The following GNPAT variants were observed in gnomAD, a reference collection of about 807,000 sequenced individuals.
GNPAT encodes dihydroxyacetone phosphate acyltransferase.
A neutral mutation model predicts 78.4 loss-of-function variants in GNPAT; 30 were observed. The observed-to-expected ratio is 0.38, with a 90% confidence interval of 0.29 to 0.52. The LOEUF (loss-of-function observed/expected upper bound fraction) is 0.52. GNPAT is among the 20% of genes least tolerant of loss of function. The pLI is 0.84. For synonymous variants in GNPAT, 271 were observed against 281.1 expected (o/e 0.96, Z 0.36); for missense variants, 714 against 812.2 (o/e 0.88, Z 1.47).
At chr1:231,274,924 T>C in intron 12 of GNPAT, 1 of 331,040 alleles carries the variant, frequency 3.0e-6, no homozygotes, top group South Asian at 3.0e-5. Flanking sequence ...TCTTCCCAAG[T>C]AGCATAAGAG....
intron 3 of GNPAT, 106 bp downstream of exon 3, chr1:231,260,789 A>G: frequency 1.3e-6 from 1 of 780,470 alleles, no homozygotes; most frequent in Non-Finnish European, 2.1e-6. Context: ...AATCAACTCA[A>G]GGACAGCTCA....
At chr1:231,249,395 T>G (rs1339474138) in intron 1 of GNPAT, among the ~76,000 whole-genome samples, 1 of 152,256 alleles carries the variant, frequency 6.6e-6, no homozygotes, top group Non-Finnish European at 1.5e-5. Context: ...TATATTCTTA[T>G]GCCAAATTGT....
chr1:231,265,150 T>C, intron 4 of GNPAT, 143 bp from the exon 5 acceptor site: 2 of 689,262 alleles, frequency 2.9e-6, no homozygotes, highest in Non-Finnish European at 5.0e-6. Context: ...GCCAGGAAGT[T>C]TGTGACCAAC....
rs895205336 is a variant in GNPAT, at chr1:231,273,935, G to A, written c.1616G>A (p.Gly539Asp). ...PGNTLKDFEE[G>D]CYLLCKSEAI... ...CTTCCCTTCTAGGACTTTGAAGAAG[G>A]CTGTTACCTGCTTTGTAAAAGTGAA... Residue 539 changes from glycine (G) to aspartate (D), a missense_variant, in exon 12 of 16, where the codon GGC becomes GAC. Coordinates refer to ENST00000366647, the MANE Select transcript of GNPAT (RefSeq NM_014236.4). 1.2e-6 allele frequency: 2 copies of A among 1,613,246 alleles called. No individual in the cohort carries two copies. The highest frequency in any genetic ancestry group is 1.7e-6 in the Non-Finnish European group (2 of 1,179,242).
intron 3 of GNPAT, among the ~76,000 whole-genome samples, chr1:231,261,567 T>C (rs1685226257): frequency 3.3e-5 from 5 of 152,212 alleles, no homozygotes. Flanking sequence ...GTTTCTCTGC[T>C]GTAAAGTTAT....
At chr1:231,255,381 C>T (rs1161068754) in intron 2 of GNPAT, among the ~76,000 whole-genome samples, 1 of 152,126 alleles carries the variant, frequency 6.6e-6, no homozygotes, top group Non-Finnish European at 1.5e-5. Context: ...GTTACTATCT[C>T]TTTCTTCCCC....
In GNPAT at chr1:231,265,367, G is replaced by A. The variant is rs767459678; in HGVS notation, c.643G>A (p.Gly215Ser). 2 of 1,609,532 alleles carry A rather than the reference G, an allele frequency of 1.2e-6. No individual in the cohort carries two copies. The highest frequency in any genetic ancestry group is 1.7e-6 in the Non-Finnish European group (2 of 1,176,026). The change falls in exon 5 of 16, where the codon GGC becomes AGC. Residue 215 changes from glycine (G) to serine (S), a missense_variant. Gly to Ser is a moderately conservative substitution (Grantham distance 56, BLOSUM62 0). Transcript: ENST00000366647. Reference sequence around the variant, plus strand: ...CTTTTTCATGCGGCGTACCTTTGGTGGCAATAAACTCTACTGGGCTGTATT... The same window carrying A: ...CTTTTTCATGCGGCGTACCTTTGGTAGCAATAAACTCTACTGGGCTGTATT... ...GAFFMRRTFG[G>S]NKLYWAVFSE...
chr1:231,264,728 T>C (rs1685326754), intron 4 of GNPAT, among the ~76,000 whole-genome samples: 1 of 152,258 alleles, frequency 6.6e-6, no homozygotes, highest in Non-Finnish European at 1.5e-5. Context: ...TGATGTTTTT[T>C]CCTGGTAGGC....
chr1:231,272,361 G>A lies in GNPAT; in HGVS notation c.1572G>A (p.Glu524=). The change falls in exon 11 of 16, where the codon GAG becomes GAA. Residue 524 remains glutamate (E), a synonymous_variant. Coordinates refer to ENST00000366647, the MANE Select transcript of GNPAT (RefSeq NM_014236.4). ...FRFLRDVFAD[E]FIFLPGNTLK... Reference sequence around the variant, plus strand: ...TCCTACGTGATGTTTTTGCAGATGAGTTCATCTTCCTTCCAGGAAACACAC... The same window carrying A: ...TCCTACGTGATGTTTTTGCAGATGAATTCATCTTCCTTCCAGGAAACACAC... 3.1e-6 allele frequency: 5 copies of A among 1,590,234 alleles called. No homozygotes were observed. The highest frequency in any genetic ancestry group is 4.3e-6 in the Non-Finnish European group (5 of 1,158,902).
chr1:231,264,946 C>T (rs1685334570), intron 4 of GNPAT, among the ~76,000 whole-genome samples: 1 of 152,196 alleles, frequency 6.6e-6, no homozygotes, highest in South Asian at 2.1e-4. Context: ...GAGCACCTGG[C>T]CCACAGAATC....
chr1:231,264,383 T>C (rs1462904294), intron 4 of GNPAT, among the ~76,000 whole-genome samples: 1 of 152,260 alleles, frequency 6.6e-6, no homozygotes, highest in Non-Finnish European at 1.5e-5. Context: ...ATAAACAATG[T>C]CATAATACAT....
intron 3 of GNPAT, 121 bp from the exon 4 acceptor site, chr1:231,262,602 G>A: frequency 1.3e-6 from 1 of 797,814 alleles, no homozygotes; most frequent in Non-Finnish European, 2.2e-6. Flanking sequence ...ATGGCAAAAA[G>A]GCAGAAAAAG....
Position 231,277,654 on chromosome 1 carries a change from A to G in GNPAT, c.*112A>G. 1.3e-6 allele frequency: 1 copy of G among 756,430 alleles called. No individual in the cohort carries two copies. The highest frequency in any genetic ancestry group is 2.4e-6 in the Non-Finnish European group (1 of 410,822). 46.9% of individuals were successfully genotyped at this position (756,430 alleles called of 1,614,324 possible). A position where few individuals can be genotyped will look rare whatever the true frequency, so the allele number is the denominator to read the frequency against. On this transcript the variant is annotated 3_prime_UTR_variant, in exon 16 of 16. Transcript: ENST00000366647. The stretch of plus-strand genomic sequence containing the variant: ...GACACATCCTCTCATACTCCCTGAG[A>G]CTCTGAGAACAGTGGACGCAGAGGG...
chr1:231,257,931 A>G (rs1685110696), intron 2 of GNPAT, among the ~76,000 whole-genome samples: 3 of 152,068 alleles, frequency 2.0e-5, no homozygotes, highest in Admixed American at 6.6e-5. Flanking sequence ...CTGTTGCCCA[A>G]AACAAAACTG....
At chr1:231,247,536 G>A (rs1684782422) in intron 1 of GNPAT, among the ~76,000 whole-genome samples, 1 of 152,182 alleles carries the variant, frequency 6.6e-6, no homozygotes, top group Admixed American at 6.5e-5. Context: ...CACAGAAGAG[G>A]TAAACACAAG....
chr1:231,268,336 T>C (rs1459717093), intron 9 of GNPAT, among the ~76,000 whole-genome samples: 1 of 152,106 alleles, frequency 6.6e-6, no homozygotes, highest in East Asian at 1.9e-4. Context: ...ACACCAAATC[T>C]GTTTTTATCA....
At chr1:231,250,204 T>C (rs927290969) in intron 1 of GNPAT, among the ~76,000 whole-genome samples, 1 of 151,926 alleles carries the variant, frequency 6.6e-6, no homozygotes, top group Non-Finnish European at 1.5e-5. Flanking sequence ...GGATTGAGAT[T>C]AGCCTCCCAA....
At position 231,267,787 on chromosome 1, in the gene GNPAT, TAATAGTTGC is replaced by T; in HGVS notation, c.1164_1172del (p.Ile389_Ala391del). ...AACATGGTTTTGAGCCCCTGGACCC[TAATAGTTGC>T]TGTTCTGCTTCAGAACCGGCCATCC... On this transcript the variant is annotated inframe_deletion, in exon 9 of 16. Coordinates refer to ENST00000366647, the MANE Select transcript of GNPAT (RefSeq NM_014236.4). The T allele has an allele frequency of 6.2e-7, 1 of 1,613,086 alleles. No individual in the cohort carries two copies. Among genetic ancestry groups the T allele is most frequent in the Non-Finnish European group, 8.5e-7 (1 of 1,179,050 alleles).
chr1:231,275,882 C>G (rs1246498572), intron 14 of GNPAT, among the ~76,000 whole-genome samples: 1 of 152,026 alleles, frequency 6.6e-6, no homozygotes, highest in African/African-American at 2.4e-5. Flanking sequence ...GATGTATGTT[C>G]TTCTAAGTGG....
Sources: allele counts gnomAD v4.1 joint callset (sites outside exome capture counted in the v4.1 genomes callset), GRCh38; gene constraint gnomAD v4.1.1; transcripts MANE v1.5; gene names NCBI Gene and HGNC (gene_info 2026-07-23, HGNC 2026-07-21).